Variants in QTMAN observed in about 807,000 individuals in gnomAD.
QTMAN encodes the protein tRNA-queuosine alpha-mannosyltransferase.
chr2:144,086,032 G>T, the QTMAN span, among the ~76,000 whole-genome samples: 1 of 152,022 alleles, frequency 6.6e-6, no homozygotes, highest in South Asian at 2.1e-4. Flanking sequence ...TTTATTGACT[G>T]AGCATCACAT....
At chr2:143,982,681 T>C in the QTMAN span, among the ~76,000 whole-genome samples, 1 of 151,228 alleles carries the variant, frequency 6.6e-6, no homozygotes, top group East Asian at 2.0e-4. Flanking sequence ...GCCAACATGG[T>C]GAAACGCCCT....
At chr2:144,160,103 T>C in the QTMAN span, among the ~76,000 whole-genome samples, 1 of 152,112 alleles carries the variant, frequency 6.6e-6, no homozygotes, top group African/African-American at 2.4e-5. Context: ...TGTAGTAACA[T>C]TTCTCCTCTA....
the QTMAN span, among the ~76,000 whole-genome samples, chr2:144,092,667 T>C: frequency 2.0e-5 from 3 of 152,252 alleles, no homozygotes; most frequent in East Asian, 5.8e-4. Context: ...ACTAACCATA[T>C]ACTGGGGAAG....
the QTMAN span, among the ~76,000 whole-genome samples, chr2:144,315,553 G>A: frequency 6.6e-6 from 1 of 152,092 alleles, no homozygotes; most frequent in South Asian, 2.1e-4. Context: ...CTGTCTCCTG[G>A]CAGTCTTTGA....
the QTMAN span, among the ~76,000 whole-genome samples, chr2:143,998,247 A>G: frequency 1.7e-3 from 260 of 152,216 alleles, no homozygotes; most frequent in African/African-American, 6.1e-3. Flanking sequence ...TTTGACTAAG[A>G]TCACAATAAA....
chr2:144,021,588 G>A, the QTMAN span, among the ~76,000 whole-genome samples: 2 of 152,242 alleles, frequency 1.3e-5, no homozygotes, highest in Admixed American at 1.3e-4. Flanking sequence ...GGAAATGATA[G>A]GTTTCCTAAT....
the QTMAN span, among the ~76,000 whole-genome samples, chr2:143,960,338 C>T: frequency 6.6e-6 from 1 of 151,994 alleles, no homozygotes; most frequent in Non-Finnish European, 1.5e-5. Context: ...ATGGGTTGAG[C>T]TTTGACAAAT....
At chr2:144,126,541 C>T in the QTMAN span, among the ~76,000 whole-genome samples, 1 of 152,020 alleles carries the variant, frequency 6.6e-6, no homozygotes, top group African/African-American at 2.4e-5. Context: ...CAGTCATACA[C>T]TAAGTCCTCA....
chr2:144,327,146 G>A, the QTMAN span, among the ~76,000 whole-genome samples: 784 of 152,260 alleles, frequency 5.1e-3, 10 homozygotes, highest in African/African-American at 0.018. Context: ...CAAAAGAACT[G>A]AGTTCAGAGA....
At chr2:144,104,466 C>T in the QTMAN span, among the ~76,000 whole-genome samples, 5 of 152,282 alleles carry the variant, frequency 3.3e-5, no homozygotes, top group South Asian at 2.1e-4. Flanking sequence ...TTATATCCTG[C>T]GCCTGGCTTG....
the QTMAN span, among the ~76,000 whole-genome samples, chr2:144,214,179 A>C: frequency 6.6e-6 from 1 of 152,306 alleles, no homozygotes; most frequent in South Asian, 2.1e-4. Flanking sequence ...TTGCTAAACA[A>C]CTTTCCTCAA....
At chr2:144,071,327 G>A in the QTMAN span, among the ~76,000 whole-genome samples, 7 of 151,594 alleles carry the variant, frequency 4.6e-5, no homozygotes, top group Admixed American at 4.0e-4. Context: ...TCAACAATAC[G>A]CTAATTTTTA....
the QTMAN span, among the ~76,000 whole-genome samples, chr2:144,088,865 A>T: frequency 6.6e-6 from 1 of 152,076 alleles, no homozygotes; most frequent in Admixed American, 6.6e-5. Flanking sequence ...AACTATAAAA[A>T]TATTAGGAGT....
At chr2:143,985,839 CT>C in the QTMAN span, among the ~76,000 whole-genome samples, 1 of 152,076 alleles carries the variant, frequency 6.6e-6, no homozygotes, top group African/African-American at 2.4e-5. Context: ...TCCTTTATAT[CT>C]TCATAGTTTT....
the QTMAN span, among the ~76,000 whole-genome samples, chr2:144,206,769 C>A: frequency 6.6e-6 from 1 of 152,130 alleles, no homozygotes; most frequent in Non-Finnish European, 1.5e-5. Context: ...GCCATATGCA[C>A]AGAAGTGTTT....
chr2:144,314,014 G>A, the QTMAN span, among the ~76,000 whole-genome samples: 1 of 151,614 alleles, frequency 6.6e-6, no homozygotes, highest in African/African-American at 2.4e-5. Flanking sequence ...TTAAAACATA[G>A]CAATCCTATC....
At chr2:144,169,995 C>T in the QTMAN span, among the ~76,000 whole-genome samples, 1 of 152,010 alleles carries the variant, frequency 6.6e-6, no homozygotes, top group Non-Finnish European at 1.5e-5. Context: ...TACATGCAAA[C>T]ATATTTTATA....
chr2:143,942,112 G>A, the QTMAN span: 1 of 165,428 alleles, frequency 6.0e-6, no homozygotes, highest in Non-Finnish European at 1.5e-5. Flanking sequence ...TGCAGTAAAT[G>A]CAGTAATAGG....
At chr2:144,331,707 G>A in the QTMAN span, among the ~76,000 whole-genome samples, 2 of 152,178 alleles carry the variant, frequency 1.3e-5, no homozygotes, top group East Asian at 3.8e-4. Flanking sequence ...GCATTCCCAA[G>A]ACTTAAATTC....
Sources: allele counts gnomAD v4.1 joint callset (sites outside exome capture counted in the v4.1 genomes callset), GRCh38; gene constraint gnomAD v4.1.1; transcripts MANE v1.5; gene names NCBI Gene and HGNC (gene_info 2026-07-23, HGNC 2026-07-21).